The following NAV3 variants were observed in gnomAD, a reference collection of about 807,000 sequenced individuals.
NAV3 encodes pore membrane and/or filament interacting like protein 1.
In NAV3, 87 loss-of-function variants were observed where a neutral mutation model predicts 244.7. The observed-to-expected ratio is 0.36, with a 90% CI of 0.30 to 0.42. The LOEUF is 0.42. Ranked by LOEUF, NAV3 falls within the 20% of genes least tolerant of loss-of-function variation. The pLI is 1.00. For missense variants in NAV3, 2,663 were observed against 2,893.3 expected (o/e 0.92, Z 1.83); for synonymous variants, 1,126 against 1,042.2 (o/e 1.08, Z -1.55).
At chr12:77,887,650 G>A (rs567665649) in intron 1 of NAV3, among the ~76,000 whole-genome samples, 10 of 152,154 alleles carry the variant, frequency 6.6e-5, no homozygotes, top group African/African-American at 2.4e-4. Context: ...GTTATTCCAC[G>A]TTAATCTCCT....
rs1172694237 is a variant in NAV3, at chr12:77,968,516, C to T, written c.488-3C>T. On this transcript the variant is annotated splice_polypyrimidine_tract_variant and splice_region_variant and intron_variant, in intron 4 of 39. Coordinates refer to ENST00000397909, the MANE Select transcript of NAV3 (RefSeq NM_001024383.2). The stretch of plus-strand genomic sequence containing the variant: ...CTTTTTTTGTATTTTTCATTTCATA[C>T]AGAAATAAGAAATGGAAACTTAAAA... 2 of 1,605,076 alleles carry T rather than the reference C, an allele frequency of 1.2e-6. No individual in the cohort carries two copies. The highest frequency in any genetic ancestry group is 1.7e-6 in the Non-Finnish European group (2 of 1,173,678).
chr12:77,908,455 T>G (rs1886230717), intron 1 of NAV3, among the ~76,000 whole-genome samples: 1 of 152,074 alleles, frequency 6.6e-6, no homozygotes, highest in South Asian at 2.1e-4. Context: ...TGCACATAAA[T>G]GTGCTTTCTA....
intron 9 of NAV3, among the ~76,000 whole-genome samples, chr12:78,038,073 G>A (rs1880219330): frequency 6.6e-6 from 1 of 152,130 alleles, no homozygotes; most frequent in African/African-American, 2.4e-5. Flanking sequence ...TTGATAACAT[G>A]AGTTTCAGTA....
intron 5 of NAV3, among the ~76,000 whole-genome samples, chr12:77,976,442 G>C (rs1298756349): frequency 6.6e-6 from 1 of 152,002 alleles, no homozygotes; most frequent in African/African-American, 2.4e-5. Context: ...AGACCTGATA[G>C]AGGAGACCAA....
chr12:77,922,918 T>G (rs890782366), intron 1 of NAV3, among the ~76,000 whole-genome samples: 1 of 152,278 alleles, frequency 6.6e-6, no homozygotes, highest in South Asian at 2.1e-4. Flanking sequence ...TTGTAAATAC[T>G]ATTACACCCT....
intron 8 of NAV3, among the ~76,000 whole-genome samples, chr12:78,014,007 T>TACCTCCC (rs1238806072): frequency 2.0e-5 from 3 of 152,090 alleles, no homozygotes; most frequent in African/African-American, 7.2e-5. Flanking sequence ...TTTCAAAAAA[T>TACCTCCC]ACCTCCCTTT....
chr12:77,692,236 T>A (rs368454428), intron 2 of NAV3, among the ~76,000 whole-genome samples: 2 of 152,070 alleles, frequency 1.3e-5, no homozygotes, highest in East Asian at 1.9e-4. Context: ...AGGAATACAA[T>A]GACTATATTT....
upstream of NAV3, among the ~76,000 whole-genome samples, chr12:77,828,679 GC>G (rs1873271165): frequency 6.6e-6 from 1 of 152,092 alleles, no homozygotes; most frequent in African/African-American, 2.4e-5. Context: ...TGGTTTTGTT[GC>G]TTTTGGTGGT....
intron 2 of NAV3, among the ~76,000 whole-genome samples, chr12:77,714,959 G>A: frequency 6.6e-6 from 1 of 152,026 alleles, no homozygotes; most frequent in South Asian, 2.1e-4. Flanking sequence ...TACTTTTCAT[G>A]ATTTATTTAA....
At position 78,119,628 on chromosome 12, in the gene NAV3, C is replaced by T. The variant is rs1235356825; in HGVS notation, c.3432C>T (p.Ser1144=). The T allele has an allele frequency of 6.2e-7, 1 of 1,614,034 alleles. No homozygotes were observed. The highest frequency in any genetic ancestry group is 1.3e-5 in the African/African-American group (1 of 74,904). ...QYRSLPRPSK[S]STSGIPGRGG... is the part of the protein sequence containing the mutation. ...GCAGCTTGCCCCGCCCTTCAAAATCCAGCACCAGTGGCATTCCTGGCCGAG... is the reference window on the plus strand; with the variant it reads ...GCAGCTTGCCCCGCCCTTCAAAATCTAGCACCAGTGGCATTCCTGGCCGAG... Residue 1144 remains serine (S), a synonymous_variant, in exon 15 of 40, where the codon TCC becomes TCT. Transcript: ENST00000397909.
intron 8 of NAV3, among the ~76,000 whole-genome samples, chr12:78,015,527 CTG>C (rs1876046461): frequency 6.6e-6 from 1 of 151,770 alleles, no homozygotes; most frequent in East Asian, 1.9e-4. Flanking sequence ...CGAAATGATA[CTG>C]TGTTTTTCCT....
intron 1 of NAV3, among the ~76,000 whole-genome samples, chr12:77,855,411 T>A (rs1171462585): frequency 6.6e-6 from 1 of 152,196 alleles, no homozygotes; most frequent in African/African-American, 2.4e-5. Context: ...TTTGACAGAA[T>A]CTATTCTTAG....
At chr12:77,646,494 T>C (rs576567097) in intron 2 of NAV3, among the ~76,000 whole-genome samples, 38 of 151,942 alleles carry the variant, frequency 2.5e-4, no homozygotes, top group African/African-American at 8.9e-4. Context: ...TAAACCCAAA[T>C]CTCCTGCAGG....
chr12:78,154,754 C>A (rs1297034601), intron 22 of NAV3, among the ~76,000 whole-genome samples: 2 of 151,876 alleles, frequency 1.3e-5, no homozygotes, highest in Non-Finnish European at 2.9e-5. Context: ...TCATTAACAA[C>A]CCCCCTGAAA....
intron 1 of NAV3, among the ~76,000 whole-genome samples, chr12:77,935,221 G>GT (rs1285517570): frequency 6.6e-6 from 1 of 152,016 alleles, no homozygotes; most frequent in Non-Finnish European, 1.5e-5. Context: ...ACTGTCAGTA[G>GT]TAAAAAAAAA....
At chr12:77,672,246 G>A (rs1265314154) in intron 2 of NAV3, among the ~76,000 whole-genome samples, 1 of 152,078 alleles carries the variant, frequency 6.6e-6, no homozygotes, top group Non-Finnish European at 1.5e-5. Context: ...TAAAAAAATA[G>A]ATGTTTGCAT....
chr12:77,678,436 A>G (rs1359425218), intron 2 of NAV3, among the ~76,000 whole-genome samples: 2 of 152,198 alleles, frequency 1.3e-5, no homozygotes, highest in Non-Finnish European at 2.9e-5. Context: ...TCTGATTCCA[A>G]AAATAGAATG....
chr12:78,170,641 C>T (rs1957962232), intron 24 of NAV3, among the ~76,000 whole-genome samples: 1 of 151,690 alleles, frequency 6.6e-6, no homozygotes, highest in African/African-American at 2.4e-5. Context: ...CAATTAAGTG[C>T]CAGATGATGC....
intron 19 of NAV3, among the ~76,000 whole-genome samples, chr12:78,139,937 G>A (rs879286724): frequency 6.7e-4 from 102 of 152,200 alleles, no homozygotes; most frequent in Non-Finnish European, 1.3e-3. Context: ...TTTAAGGTTC[G>A]AAAGTTTATG....
Sources: allele counts gnomAD v4.1 joint callset (sites outside exome capture counted in the v4.1 genomes callset), GRCh38; gene constraint gnomAD v4.1.1; transcripts MANE v1.5; gene names NCBI Gene and HGNC (gene_info 2026-07-23, HGNC 2026-07-21).